The following MAP7 variants were observed in gnomAD, a reference collection of about 807,000 sequenced individuals.
The protein encoded by MAP7 is ensconsin.
A neutral mutation model predicts 94.8 loss-of-function variants in MAP7; 52 were observed. That is an observed-to-expected ratio of 0.55 (90% CI 0.44 to 0.69). The LOEUF (loss-of-function observed/expected upper bound fraction) is 0.69. Ranked by LOEUF, MAP7 falls within the 30% of genes least tolerant of loss-of-function variation. The pLI, the probability that MAP7 is intolerant of heterozygous loss-of-function variation, is 0.00. For synonymous variants in MAP7, 350 were observed against 357.0 expected (o/e 0.98, Z 0.22); for missense variants, 940 against 964.6 (o/e 0.97, Z 0.34).
At chr6:136,420,183 C>T (rs371784795) in intron 2 of MAP7, 1 of 989,908 alleles carries the variant, frequency 1.0e-6, no homozygotes, top group Admixed American at 1.7e-5. Context: ...GCAGTGGGCC[C>T]CCAGATGACT....
At chr6:136,456,822 G>GAAGAAGAAGAAGGAAGAAGAA (rs1554259490) in intron 1 of MAP7, among the ~76,000 whole-genome samples, 1 of 69,024 alleles carries the variant, frequency 1.4e-5, no homozygotes, top group African/African-American at 6.4e-5. Context: ...AGAAGAAGAA[G>GAAGAAGAAGAAGGAAGAAGAA]GAAGAAGAAG....
Position 136,377,834 on chromosome 6 carries a change from G to A in MAP7, c.672C>T (p.Ser224=), listed in dbSNP as rs1478290559. The stretch of plus-strand genomic sequence containing the variant: ...TGGGCGTCAGGAGTCTGTTAACAAC[G>A]CTGCTCTCCCATGGGCTGAGCTGCA... ...RRLQLSPWES[S]VVNRLLTPTH... The change falls in exon 7 of 18, where the codon AGC becomes AGT. Residue 224 remains serine (S), a synonymous_variant. Coordinates refer to ENST00000354570, the MANE Select transcript of MAP7 (RefSeq NM_003980.6). 1.9e-6 allele frequency: 3 copies of A among 1,613,868 alleles called. No individual in the cohort carries two copies. The highest frequency in any genetic ancestry group is 2.5e-6 in the Non-Finnish European group (3 of 1,179,946).
chr6:136,372,435 T>G, intron 8 of MAP7, 66 bp downstream of exon 8: 1 of 1,594,436 alleles, frequency 6.3e-7, no homozygotes, highest in Non-Finnish European at 8.6e-7. Flanking sequence ...CTCAGGGTCA[T>G]GTACAGTCTG....
At chr6:136,414,266 A>AAAAAAAAAAAAAAAAAC (rs1788584644) in intron 2 of MAP7, among the ~76,000 whole-genome samples, 1 of 140,990 alleles carries the variant, frequency 7.1e-6, no homozygotes, top group Non-Finnish European at 1.6e-5. Flanking sequence ...AAAAAAAAAA[A>AAAAAAAAAAAAAAAAAC]AAAAAAAAAA....
chr6:136,424,970 A>T (rs531456221), intron 1 of MAP7, among the ~76,000 whole-genome samples: 8 of 152,332 alleles, frequency 5.3e-5, no homozygotes, highest in African/African-American at 1.9e-4. Context: ...TCCCTTATCC[A>T]TGGAGGAATA....
intron 1 of MAP7, among the ~76,000 whole-genome samples, chr6:136,449,104 C>A (rs562334620): frequency 2.3e-4 from 35 of 151,480 alleles, no homozygotes; most frequent in Non-Finnish European, 4.0e-4. Flanking sequence ...GTCAGGAGAT[C>A]GAGACCACGG....
intron 11 of MAP7, among the ~76,000 whole-genome samples, chr6:136,361,771 G>T (rs1359857224): frequency 6.6e-6 from 1 of 152,204 alleles, no homozygotes; most frequent in Non-Finnish European, 1.5e-5. Context: ...TGCCTGGCAG[G>T]CAATCATGGG....
At chr6:136,360,900 T>C (rs1343881618) in intron 12 of MAP7, 102 bp from the exon 13 acceptor site, 16 of 1,546,926 alleles carry the variant, frequency 1.0e-5, no homozygotes, top group African/African-American at 2.7e-5. Flanking sequence ...ATGGAGAAGG[T>C]GTGGAAAGCG....
intron 17 of MAP7, among the ~76,000 whole-genome samples, chr6:136,344,941 G>T (rs1485734189): frequency 6.6e-6 from 1 of 152,196 alleles, no homozygotes; most frequent in East Asian, 1.9e-4. Context: ...AAATAATTCT[G>T]TATTGTCTCC....
chr6:136,494,148 C>A (rs572892747), intron 1 of MAP7, among the ~76,000 whole-genome samples: 6 of 152,144 alleles, frequency 3.9e-5, no homozygotes, highest in Non-Finnish European at 8.8e-5. Context: ...TAGAACCAAG[C>A]GTGCTGAGTT....
intron 3 of MAP7, among the ~76,000 whole-genome samples, chr6:136,393,628 A>G (rs1781415994): frequency 6.6e-6 from 1 of 151,794 alleles, no homozygotes. Flanking sequence ...CTTTTCTTCT[A>G]TCTATGTATC....
Position 136,347,606 on chromosome 6 carries a change from G to A in MAP7, c.2016-1527C>T, listed in dbSNP as rs376610337. 6.6e-5 allele frequency among the ~76,000 whole-genome samples: 10 copies of A among 152,038 alleles called. No homozygotes were observed. The East Asian group carries it at 7.7e-4, about 12-fold the overall frequency. On this transcript the variant is annotated intron_variant, in intron 16 of 17. Coordinates refer to ENST00000354570, the MANE Select transcript of MAP7 (RefSeq NM_003980.6). Reference sequence around the variant, plus strand: ...TTTTTAGTAGAGAAAGGGTTTCTTCGTGTTGGCCAGGATGGTCTCGAACTC... The same window carrying A: ...TTTTTAGTAGAGAAAGGGTTTCTTCATGTTGGCCAGGATGGTCTCGAACTC...
chr6:136,408,641 G>C (rs114767591), intron 3 of MAP7, among the ~76,000 whole-genome samples: 444 of 152,032 alleles, frequency 2.9e-3, no homozygotes, highest in African/African-American at 9.0e-3. Context: ...AATGGTGTCC[G>C]ATTTTTTTTA....
At chr6:136,420,398 A>T in intron 2 of MAP7, 1 of 536,740 alleles carries the variant, frequency 1.9e-6, no homozygotes. Flanking sequence ...GGCCAGGGGA[A>T]CTCAGCTACC....
intron 1 of MAP7, among the ~76,000 whole-genome samples, chr6:136,496,847 G>A (rs540654162): frequency 4.6e-5 from 7 of 151,116 alleles, no homozygotes; most frequent in East Asian, 3.9e-4. Flanking sequence ...CCAGCTACTC[G>A]GGAGGCTGAG....
chr6:136,506,422 G>A (rs1181550997), intron 1 of MAP7, among the ~76,000 whole-genome samples: 2 of 152,082 alleles, frequency 1.3e-5, no homozygotes, highest in Non-Finnish European at 2.9e-5. Flanking sequence ...TGTGGGGAGG[G>A]AAGGGCATTG....
intron 1 of MAP7, among the ~76,000 whole-genome samples, chr6:136,507,814 T>A (rs893284575): frequency 6.6e-6 from 1 of 152,190 alleles, no homozygotes; most frequent in Non-Finnish European, 1.5e-5. Context: ...AAATTGTAAG[T>A]ACTTTGCCTG....
chr6:136,411,483 C>A, intron 3 of MAP7, 137 bp downstream of exon 3: 1 of 718,936 alleles, frequency 1.4e-6, no homozygotes, highest in Non-Finnish European at 2.3e-6. Context: ...AAACTTATCC[C>A]TATGTTTATA....
chr6:136,365,075 AC>A (rs2128580074), intron 10 of MAP7: 1 of 152,370 alleles, frequency 6.6e-6, no homozygotes, highest in African/African-American at 2.4e-5. Context: ...GAGAACCTAC[AC>A]CTGAATTCAC....
Sources: gnomAD v4.1 joint callset for allele counts (sites outside exome capture counted in the v4.1 genomes callset) on GRCh38, gnomAD v4.1.1 for gene constraint, MANE v1.5 for transcripts, NCBI Gene and HGNC (gene_info 2026-07-23, HGNC 2026-07-21) for gene names.